LPP: variants seen among roughly 807,000 people sequenced by gnomAD.
The protein encoded by LPP is LIM domain containing preferred translocation partner in lipoma, also known as lipoma-preferred partner.
Under a neutral mutation model 60.4 loss-of-function variants are expected in LPP, and 38 were observed. The observed-to-expected ratio is 0.63, with a 90% confidence interval of 0.49 to 0.83. The LOEUF (loss-of-function observed/expected upper bound fraction) is 0.83. Ranked by LOEUF, LPP falls within the 40% of genes least tolerant of loss-of-function variation. LPP has a pLI of 0.00. For synonymous variants in LPP, 328 were observed against 290.8 expected, an observed-to-expected ratio of 1.13 and a Z score of -1.30; for missense variants, 902 against 783.6, an observed-to-expected ratio of 1.15 and a Z score of -1.80.
At chr3:188,498,798 C>G (rs911810585) in intron 5 of LPP, among the ~76,000 whole-genome samples, 1 of 152,160 alleles carries the variant, frequency 6.6e-6, no homozygotes. Context: ...TCTGATTTCT[C>G]CACGTCCTTG....
At chr3:188,568,438 G>A (rs1327982430) in intron 6 of LPP, 1 of 151,962 alleles carries the variant, frequency 6.6e-6, no homozygotes, top group African/African-American at 2.4e-5. Flanking sequence ...CCGATATTGA[G>A]CATCTGATAT....
At chr3:188,432,865 A>G (rs572419646) in intron 4 of LPP, among the ~76,000 whole-genome samples, 1 of 152,208 alleles carries the variant, frequency 6.6e-6, no homozygotes, top group South Asian at 2.1e-4. Context: ...GCCTCAAGGG[A>G]TGGGAAGAAG....
intron 4 of LPP, among the ~76,000 whole-genome samples, chr3:188,452,540 G>GT (rs1796836568): frequency 1.3e-5 from 2 of 152,250 alleles, no homozygotes; most frequent in Non-Finnish European, 2.9e-5. Flanking sequence ...TTTAAGTGAC[G>GT]TGTATCGAAA....
At chr3:188,821,933 A>T (rs1028686594) in intron 9 of LPP, among the ~76,000 whole-genome samples, 1 of 152,074 alleles carries the variant, frequency 6.6e-6, no homozygotes, top group African/African-American at 2.4e-5. Context: ...ATTATGATCT[A>T]TTGATTTATT....
chr3:188,228,922 GTCT>G (rs1472263800), intron 2 of LPP, among the ~76,000 whole-genome samples: 1 of 152,094 alleles, frequency 6.6e-6, no homozygotes, highest in Admixed American at 6.5e-5. Context: ...TATTACAGTT[GTCT>G]TCTTCCTTAA....
intron 7 of LPP, among the ~76,000 whole-genome samples, chr3:188,669,205 A>G (rs1366083729): frequency 6.6e-6 from 1 of 152,146 alleles, no homozygotes; most frequent in Non-Finnish European, 1.5e-5. Context: ...GAGATTGGTA[A>G]TCAAGAGTCT....
At chr3:188,266,552 C>CAG (rs111754646) in intron 2 of LPP, among the ~76,000 whole-genome samples, 6,204 of 147,658 alleles carry the variant, frequency 0.042, 172 homozygotes, top group African/African-American at 0.073. Context: ...ACGGGGAAGA[C>CAG]AGAGAGAGAG....
intron 4 of LPP, among the ~76,000 whole-genome samples, chr3:188,481,667 C>CAT (rs1222504873): frequency 6.6e-6 from 1 of 152,146 alleles, no homozygotes; most frequent in Non-Finnish European, 1.5e-5. Flanking sequence ...TTCTTTATGA[C>CAT]ATAGTTTATT....
At chr3:188,241,201 G>A (rs538328780) in intron 2 of LPP, among the ~76,000 whole-genome samples, 2 of 152,308 alleles carry the variant, frequency 1.3e-5, no homozygotes, top group African/African-American at 4.8e-5. Context: ...TAGAACTACT[G>A]ATATAGCATG....
At chr3:188,199,466 A>T (rs536314580) in intron 1 of LPP, among the ~76,000 whole-genome samples, 2 of 152,152 alleles carry the variant, frequency 1.3e-5, no homozygotes, top group East Asian at 3.9e-4. Flanking sequence ...GTCTCTGTGG[A>T]GCTGCACGGA....
At chr3:188,781,676 G>A (rs1235149550) in intron 9 of LPP, among the ~76,000 whole-genome samples, 3 of 151,562 alleles carry the variant, frequency 2.0e-5, no homozygotes, top group East Asian at 3.9e-4. Context: ...GAGGTCAGGA[G>A]ATCGAGATCA....
chr3:188,235,725 G>C (rs4634106), intron 2 of LPP, among the ~76,000 whole-genome samples: 107,747 of 151,984 alleles, frequency 0.71, 39,785 homozygotes, highest in African/African-American at 0.93. Flanking sequence ...AAGATGATTT[G>C]TACGTTTCTT....
intron 9 of LPP, among the ~76,000 whole-genome samples, chr3:188,843,616 T>C (rs28559951): frequency 0.77 from 115,072 of 149,574 alleles, 45,258 homozygotes; most frequent in African/African-American, 0.93. Context: ...TGAAACCCCG[T>C]CTCTACTAAA....
chr3:188,319,126 A>G (rs982073591), intron 2 of LPP, among the ~76,000 whole-genome samples: 2 of 152,172 alleles, frequency 1.3e-5, no homozygotes, highest in East Asian at 1.9e-4. Context: ...TGCTTGAGAT[A>G]AGGATTAGAA....
Position 188,609,852 on chromosome 3 carries a change from A to G in LPP, c.1113+8A>G. ...CCACCATTGCAGCCAAAGGTAAGAA[A>G]CTCAGTAACATAAGGAGGAGAATAC... On this transcript the variant is annotated splice_region_variant and intron_variant, in intron 7 of 11. Coordinates refer to ENST00000617246, the MANE Select transcript of LPP (RefSeq NM_001375462.1). This position sits in a 1 kb window ranked among gnomAD's most constrained non-coding sequence, Gnocchi z 6.9. 1.2e-6 allele frequency: 2 copies of G among 1,602,992 alleles called. No homozygotes were observed. The highest frequency in any genetic ancestry group is 1.7e-6 in the Non-Finnish European group (2 of 1,175,302).
At chr3:188,229,399 A>G (rs1218073339) in intron 2 of LPP, among the ~76,000 whole-genome samples, 1 of 152,100 alleles carries the variant, frequency 6.6e-6, no homozygotes, top group East Asian at 1.9e-4. Flanking sequence ...CAGTTTTAAT[A>G]TTTCCTCTTT....
chr3:188,702,954 C>T (rs980786621), intron 7 of LPP, among the ~76,000 whole-genome samples: 4 of 152,126 alleles, frequency 2.6e-5, no homozygotes, highest in Non-Finnish European at 5.9e-5. Context: ...CAGCACACCC[C>T]AGTTTCAACG....
At position 188,608,002 on chromosome 3, in the gene LPP, G is replaced by C. The variant is rs1009798426; in HGVS notation, c.430-1159G>C. 3.3e-5 allele frequency among the ~76,000 whole-genome samples: 5 copies of C among 152,200 alleles called. No homozygotes were observed. In the East Asian group the frequency reaches 5.8e-4, roughly 18 times the overall value. On this transcript the variant is annotated intron_variant, in intron 6 of 11. Transcript: ENST00000617246. ...ACATGTAAAGCTCTGTGAGGTTAAT[G>C]GGGGGAGAGTGGTGTCCTAGGATGA...
At chr3:188,465,936 G>C (rs1800258871) in intron 4 of LPP, among the ~76,000 whole-genome samples, 2 of 152,164 alleles carry the variant, frequency 1.3e-5, no homozygotes, top group South Asian at 4.1e-4. Context: ...GTTCTCACGT[G>C]TTTTTAAGCC....
Sources: gnomAD v4.1 joint callset for allele counts (sites outside exome capture counted in the v4.1 genomes callset) on GRCh38, gnomAD v4.1.1 for gene constraint, Gnocchi (gnomAD v3.1) non-coding constraint, MANE v1.5 for transcripts, NCBI Gene and HGNC (gene_info 2026-07-23, HGNC 2026-07-21) for gene names.